SNTB1: variants seen among roughly 807,000 people sequenced by gnomAD.
SNTB1 encodes the protein syntrophin beta 1, also known as beta-1-syntrophin.
In SNTB1, 36 loss-of-function variants were observed where a neutral mutation model predicts 48.9. The observed-to-expected ratio is 0.74, with a 90% CI of 0.56 to 0.97. The LOEUF is 0.97. SNTB1 is among the 50% of genes least tolerant of loss of function. The pLI is 0.00. For synonymous variants in SNTB1, 299 were observed against 294.6 expected, an observed-to-expected ratio of 1.01 and a Z score of -0.15; for missense variants, 786 against 703.4, an observed-to-expected ratio of 1.12 and a Z score of -1.33.
chr8:120,664,764 A>T (rs1817647018), intron 2 of SNTB1, among the ~76,000 whole-genome samples: 1 of 152,210 alleles, frequency 6.6e-6, no homozygotes, highest in South Asian at 2.1e-4. Flanking sequence ...TAGACACATA[A>T]TTTCATTTCT....
chr8:120,572,152 GC>G (rs1168602350), intron 4 of SNTB1, among the ~76,000 whole-genome samples: 1 of 152,158 alleles, frequency 6.6e-6, no homozygotes, highest in Non-Finnish European at 1.5e-5. Flanking sequence ...CTTGCAGCCA[GC>G]TGACCCTTGA....
At chr8:120,668,919 A>G (rs1337272157) in intron 2 of SNTB1, among the ~76,000 whole-genome samples, 11 of 152,232 alleles carry the variant, frequency 7.2e-5, no homozygotes, top group Non-Finnish European at 1.3e-4. Flanking sequence ...TCCCATAACC[A>G]TAATAGAAAG....
At chr8:120,715,967 C>T (rs1486994034) in intron 1 of SNTB1, among the ~76,000 whole-genome samples, 1 of 152,162 alleles carries the variant, frequency 6.6e-6, no homozygotes, top group African/African-American at 2.4e-5. Context: ...CTGGGAAATT[C>T]CTTCTGAGTT....
intron 1 of SNTB1, among the ~76,000 whole-genome samples, chr8:120,808,401 C>G (rs1271896475): frequency 3.9e-5 from 6 of 152,144 alleles, no homozygotes; most frequent in Non-Finnish European, 7.3e-5. Flanking sequence ...TTTAACTCCT[C>G]TGGTCTCACA....
chr8:120,737,741 T>C (rs1302968650), intron 1 of SNTB1, among the ~76,000 whole-genome samples: 1 of 152,152 alleles, frequency 6.6e-6, no homozygotes, highest in Non-Finnish European at 1.5e-5. Context: ...CCTCATTTCT[T>C]TTCTGTTATC....
chr8:120,773,341 G>A (rs188254978), intron 1 of SNTB1, among the ~76,000 whole-genome samples: 90 of 152,290 alleles, frequency 5.9e-4, no homozygotes, highest in Non-Finnish European at 1.0e-3. Flanking sequence ...AACACAGTGA[G>A]ACCCCATCTC....
At chr8:120,671,934 A>C (rs974386176) in intron 2 of SNTB1, among the ~76,000 whole-genome samples, 2 of 152,214 alleles carry the variant, frequency 1.3e-5, no homozygotes, top group African/African-American at 4.8e-5. Flanking sequence ...ATGGTCCCCA[A>C]CTTATAGTGG....
At chr8:120,666,413 A>T (rs1407308476) in intron 2 of SNTB1, among the ~76,000 whole-genome samples, 1 of 152,028 alleles carries the variant, frequency 6.6e-6, no homozygotes, top group East Asian at 1.9e-4. Context: ...ATGCCTGCTC[A>T]TTTGCATTGC....
chr8:120,622,557 A>G lies in SNTB1; in HGVS notation c.996+9887T>C, dbSNP rs542416326. Among the ~76,000 whole-genome samples, 6 of 152,366 alleles carry G rather than the reference A, an allele frequency of 3.9e-5. No individual in the cohort carries two copies. The East Asian group carries it at 9.6e-4, about 24-fold the overall frequency. ...AAATGATGTTTGAGAATTTCAAAGCATTAAAAAAAATAATTATTCCATGAT... is the reference window on the plus strand; with the variant it reads ...AAATGATGTTTGAGAATTTCAAAGCGTTAAAAAAAATAATTATTCCATGAT... On this transcript the variant is annotated intron_variant, in intron 3 of 6. Coordinates refer to ENST00000517992, the MANE Select transcript of SNTB1 (RefSeq NM_021021.4).
intron 4 of SNTB1, among the ~76,000 whole-genome samples, chr8:120,557,636 A>ATTTATTATTAT: frequency 6.6e-6 from 1 of 152,174 alleles, no homozygotes; most frequent in Non-Finnish European, 1.5e-5. Context: ...CTGTATTCCC[A>ATTTATTATTAT]CACATCATTA....
intron 1 of SNTB1, among the ~76,000 whole-genome samples, chr8:120,751,884 C>G (rs996985656): frequency 1.2e-4 from 18 of 152,304 alleles, no homozygotes; most frequent in African/African-American, 4.1e-4. Context: ...CCCATTCTCA[C>G]TTGTTCATCT....
chr8:120,777,600 T>C (rs1819757605), intron 1 of SNTB1, among the ~76,000 whole-genome samples: 1 of 152,218 alleles, frequency 6.6e-6, no homozygotes, highest in African/African-American at 2.4e-5. Flanking sequence ...TCTACCTTCC[T>C]CACTGGCTTC....
At chr8:120,599,855 G>A (rs1816394605) in intron 3 of SNTB1, among the ~76,000 whole-genome samples, 1 of 152,264 alleles carries the variant, frequency 6.6e-6, no homozygotes, top group Admixed American at 6.5e-5. Context: ...CTTTCTTAAT[G>A]TGGATGCTAG....
chr8:120,792,910 T>C (rs1820060708), intron 1 of SNTB1, among the ~76,000 whole-genome samples: 1 of 151,996 alleles, frequency 6.6e-6, no homozygotes, highest in Non-Finnish European at 1.5e-5. Context: ...AAGTGTCTAT[T>C]ACACTATGGT....
At chr8:120,543,147 G>T (rs1399055062) in intron 5 of SNTB1, among the ~76,000 whole-genome samples, 1 of 152,098 alleles carries the variant, frequency 6.6e-6, no homozygotes, top group African/African-American at 2.4e-5. Context: ...CTGGGCAAGG[G>T]GACTGCCACA....
At chr8:120,631,369 C>T (rs1031768546) in intron 3 of SNTB1, among the ~76,000 whole-genome samples, 2 of 152,114 alleles carry the variant, frequency 1.3e-5, no homozygotes, top group Non-Finnish European at 2.9e-5. Context: ...AATACCAAGC[C>T]CAACAACCCA....
At chr8:120,579,214 A>AAACAAACAAACG (rs566057930) in intron 3 of SNTB1, among the ~76,000 whole-genome samples, 1 of 150,790 alleles carries the variant, frequency 6.6e-6, no homozygotes, top group Non-Finnish European at 1.5e-5. Context: ...ACAAACAAAC[A>AAACAAACAAACG]AAGAGCAAAC....
At chr8:120,637,761 C>A in intron 2 of SNTB1, 1 of 390,100 alleles carries the variant, frequency 2.6e-6, no homozygotes, top group South Asian at 2.1e-5. Flanking sequence ...ATAAGACATT[C>A]TGTAATGTTT....
chr8:120,691,298 T>C (rs2129854500), intron 2 of SNTB1, among the ~76,000 whole-genome samples: 1 of 152,342 alleles, frequency 6.6e-6, no homozygotes, highest in Admixed American at 6.5e-5. Flanking sequence ...GTTTAGATTT[T>C]TCTGGAAATG....
Sources: allele counts gnomAD v4.1 joint callset (sites outside exome capture counted in the v4.1 genomes callset), GRCh38; gene constraint gnomAD v4.1.1; transcripts MANE v1.5; gene names NCBI Gene and HGNC (gene_info 2026-07-23, HGNC 2026-07-21).